The following LRRTM4 variants were observed in gnomAD, a reference collection of about 807,000 sequenced individuals.
LRRTM4 encodes leucine rich repeat transmembrane neuronal 4, also known as leucine-rich repeat transmembrane neuronal protein 4.
In LRRTM4, 25 loss-of-function variants were observed where a neutral mutation model predicts 47.6. The ratio of observed to expected loss-of-function variants is 0.53; its 90% CI spans 0.38 to 0.73. LRRTM4 has a LOEUF of 0.73. Ranked by LOEUF, LRRTM4 falls within the 30% of genes least tolerant of loss-of-function variation. LRRTM4 has a pLI of 0.00. For synonymous variants in LRRTM4, 311 were observed against 269.5 expected (o/e 1.15, Z -1.51); for missense variants, 638 against 713.4 (o/e 0.89, Z 1.20).
At chr2:76,991,373 C>T (rs554431636) in intron 3 of LRRTM4, among the ~76,000 whole-genome samples, 16 of 151,506 alleles carry the variant, frequency 1.1e-4, no homozygotes, top group African/African-American at 3.6e-4. Context: ...TTTGAAAGGA[C>T]AAACAAGATC....
At chr2:77,201,386 T>C (rs1332948640) in intron 3 of LRRTM4, among the ~76,000 whole-genome samples, 1 of 152,150 alleles carries the variant, frequency 6.6e-6, no homozygotes, top group African/African-American at 2.4e-5. Flanking sequence ...CTAACTTTGG[T>C]TATATGATGT....
chr2:77,210,424 T>C (rs1282927615), intron 3 of LRRTM4, among the ~76,000 whole-genome samples: 2 of 152,222 alleles, frequency 1.3e-5, no homozygotes, highest in East Asian at 1.9e-4. Flanking sequence ...ACAAGTCACA[T>C]GGCAACATTA....
At chr2:76,790,049 T>C (rs1012141109) in intron 3 of LRRTM4, among the ~76,000 whole-genome samples, 18 of 152,202 alleles carry the variant, frequency 1.2e-4, no homozygotes, top group African/African-American at 4.3e-4. Context: ...TGTTCATTCC[T>C]TCTCTTAGAT....
chr2:76,937,665 G>A (rs1488507787), intron 3 of LRRTM4, among the ~76,000 whole-genome samples: 1 of 152,062 alleles, frequency 6.6e-6, no homozygotes, highest in Non-Finnish European at 1.5e-5. Flanking sequence ...GCCTCCCGTG[G>A]GCAAGCGATT....
chr2:76,854,974 T>C (rs1024679641), intron 3 of LRRTM4, among the ~76,000 whole-genome samples: 10 of 151,982 alleles, frequency 6.6e-5, no homozygotes, highest in Non-Finnish European at 1.3e-4. Context: ...AAGAATCTAG[T>C]GGCCAGAAGA....
At chr2:77,016,326 C>T (rs145759583) in intron 3 of LRRTM4, among the ~76,000 whole-genome samples, 232 of 149,428 alleles carry the variant, frequency 1.6e-3, no homozygotes, top group African/African-American at 5.6e-3. Context: ...GCAGAGGTTG[C>T]AGTGAGCCCA....
rs377361098 is a variant in LRRTM4, at chr2:77,398,362, GC to G, written c.1551+119955del. Among the ~76,000 whole-genome samples the G allele has an allele frequency of 3.3e-3, 497 of 152,000 alleles. 2 individuals carry two copies. The highest frequency in any genetic ancestry group is 0.011 in the African/African-American group (474 of 41,530). On this transcript the variant is annotated intron_variant, in intron 3 of 3. Coordinates refer to ENST00000409884, the MANE Select transcript of LRRTM4 (RefSeq NM_001134745.3). ...TCAGAATATTTTGAATTTTAGAGAA[GC>G]AATTAAGCACATATTATGCATATTG...
chr2:77,224,689 A>G (rs7598794), intron 3 of LRRTM4, among the ~76,000 whole-genome samples: 94,264 of 151,760 alleles, frequency 0.62, 29,964 homozygotes, highest in African/African-American at 0.76. Context: ...TTAGAATGGC[A>G]ATCATTAAAA....
chr2:76,973,234 C>G (rs1444273806), intron 3 of LRRTM4, among the ~76,000 whole-genome samples: 2 of 151,952 alleles, frequency 1.3e-5, no homozygotes, highest in Non-Finnish European at 2.9e-5. Context: ...TGATATCTAT[C>G]TTGAAAGCAG....
chr2:76,996,420 C>T (rs999169579), intron 3 of LRRTM4, among the ~76,000 whole-genome samples: 3 of 151,896 alleles, frequency 2.0e-5, no homozygotes, highest in African/African-American at 7.3e-5. Context: ...TTTCAGGTTA[C>T]CTGAACAAAG....
intron 3 of LRRTM4, among the ~76,000 whole-genome samples, chr2:76,907,520 C>T (rs1251212992): frequency 6.8e-6 from 1 of 146,190 alleles, no homozygotes; most frequent in Non-Finnish European, 1.5e-5. Flanking sequence ...AATAGAGACA[C>T]AAAAAACCCT....
At chr2:77,470,386 AAT>A (rs1265092019) in intron 3 of LRRTM4, among the ~76,000 whole-genome samples, 3 of 152,166 alleles carry the variant, frequency 2.0e-5, no homozygotes, top group African/African-American at 7.2e-5. Flanking sequence ...ACAGAGACCA[AAT>A]AACACAAAGC....
chr2:77,235,912 A>G (rs952662818), intron 3 of LRRTM4, among the ~76,000 whole-genome samples: 7 of 151,976 alleles, frequency 4.6e-5, no homozygotes, highest in African/African-American at 1.7e-4. Context: ...TGTTTTTGCT[A>G]CTGTATCCCT....
At chr2:76,972,379 T>TC (rs1676249137) in intron 3 of LRRTM4, among the ~76,000 whole-genome samples, 1 of 151,266 alleles carries the variant, frequency 6.6e-6, no homozygotes, top group African/African-American at 2.4e-5. Flanking sequence ...CTTGTGTATA[T>TC]CATCGGTAGT....
intron 3 of LRRTM4, among the ~76,000 whole-genome samples, chr2:76,798,348 C>G (rs1171470120): frequency 2.0e-4 from 30 of 152,156 alleles, no homozygotes; most frequent in African/African-American, 7.2e-4. Context: ...TCCTGAATGA[C>G]TACTGGGTAC....
chr2:77,071,562 T>G (rs1197560804), intron 3 of LRRTM4, among the ~76,000 whole-genome samples: 1 of 152,192 alleles, frequency 6.6e-6, no homozygotes, highest in African/African-American at 2.4e-5. Context: ...CAATAAATTA[T>G]AATTATGCCT....
chr2:77,249,744 G>A (rs1365651794), intron 3 of LRRTM4, among the ~76,000 whole-genome samples: 1 of 152,152 alleles, frequency 6.6e-6, no homozygotes, highest in Non-Finnish European at 1.5e-5. Flanking sequence ...CAGCTACTTT[G>A]GAGGACAGTT....
intron 3 of LRRTM4, among the ~76,000 whole-genome samples, chr2:77,494,566 A>G (rs1199061721): frequency 6.6e-6 from 1 of 150,488 alleles, no homozygotes; most frequent in African/African-American, 2.4e-5. Flanking sequence ...AAAAATCCCC[A>G]GATCTATGTA....
intron 3 of LRRTM4, among the ~76,000 whole-genome samples, chr2:76,758,818 T>C (rs1474713855): frequency 6.6e-6 from 1 of 152,176 alleles, no homozygotes; most frequent in African/African-American, 2.4e-5. Context: ...ACGTTTTCTA[T>C]AAAGGGTCAA....
Sources: allele counts gnomAD v4.1 joint callset (sites outside exome capture counted in the v4.1 genomes callset), GRCh38; gene constraint gnomAD v4.1.1; transcripts MANE v1.5; gene names NCBI Gene and HGNC (gene_info 2026-07-23, HGNC 2026-07-21).